Variants in ATXN7 observed in about 807,000 individuals in gnomAD.
ATXN7 encodes ataxin-7.
In ATXN7, 12 loss-of-function variants were observed where a neutral mutation model predicts 70.5. The observed-to-expected ratio is 0.17, with a 90% confidence interval of 0.11 to 0.28. The LOEUF is 0.28. ATXN7 is among the 10% of genes least tolerant of loss of function. The pLI is 1.00. For synonymous variants in ATXN7, 498 were observed against 448.7 expected (o/e 1.11, Z -1.39); for missense variants, 1,256 against 1,131.7 (o/e 1.11, Z -1.58).
intron 1 of ATXN7, among the ~76,000 whole-genome samples, chr3:63,881,619 G>A (rs1292370212): frequency 1.3e-5 from 2 of 151,838 alleles, no homozygotes; most frequent in African/African-American, 4.8e-5. Flanking sequence ...CTCCTGAGAA[G>A]CTGGGATTAT....
intron 5 of ATXN7, chr3:63,968,228 G>T: frequency 2.3e-6 from 1 of 430,020 alleles, no homozygotes; most frequent in East Asian, 3.7e-5. Context: ...CGCAGCCACA[G>T]GGATTAGCTG....
chr3:63,904,590 CAAT>C (rs1228939280), intron 2 of ATXN7: 1 of 152,192 alleles, frequency 6.6e-6, no homozygotes, highest in African/African-American at 2.4e-5. Flanking sequence ...CTGCACCTGG[CAAT>C]AATATTCTTT....
At chr3:63,868,776 A>T (rs1426030783) in intron 1 of ATXN7, among the ~76,000 whole-genome samples, 2 of 152,148 alleles carry the variant, frequency 1.3e-5, no homozygotes, top group African/African-American at 4.8e-5. Flanking sequence ...AAACTAAAAT[A>T]CTGCACATGT....
At chr3:63,928,969 C>T (rs769976596) in intron 4 of ATXN7, among the ~76,000 whole-genome samples, 3 of 152,174 alleles carry the variant, frequency 2.0e-5, no homozygotes, top group African/African-American at 2.4e-5. Flanking sequence ...AAAACCTTTG[C>T]GAGGCTTGAG....
chr3:63,869,633 C>T (rs1313928806), intron 1 of ATXN7, among the ~76,000 whole-genome samples: 2 of 152,152 alleles, frequency 1.3e-5, no homozygotes, highest in African/African-American at 2.4e-5. Flanking sequence ...CCATGCTGGC[C>T]AGGCTGATCC....
chr3:63,967,589 T>A (rs1052526232), intron 5 of ATXN7, among the ~76,000 whole-genome samples: 3 of 152,148 alleles, frequency 2.0e-5, no homozygotes, highest in Admixed American at 1.3e-4. Flanking sequence ...AGAAAAAAAA[T>A]TCACAAAATA....
At chr3:63,991,006 T>A (rs970769955) in intron 11 of ATXN7, 147 bp downstream of exon 11, 1 of 1,183,866 alleles carries the variant, frequency 8.4e-7, no homozygotes, top group Non-Finnish European at 1.2e-6. Flanking sequence ...TGTCATTCAT[T>A]CATTCATTTA....
At position 63,996,273 on chromosome 3, in the gene ATXN7, C is replaced by A. The variant is rs187043098; in HGVS notation, c.2451C>A (p.Asn817Lys). The change falls in exon 12 of 13, where the codon AAC becomes AAA. Residue 817 changes from asparagine (N) to lysine (K), a missense_variant. Physicochemically the swap from Asn to Lys is moderately conservative, Grantham distance 94. Transcript: ENST00000674280. ...ACCAGTCCAATGAACTGCCTGTCAA[C>A]TCCCACGGCAGTTTTTCCCACTCAC... ...FIHQSNELPV[N>K]SHGSFSHSHT... 121 of 1,614,182 alleles carry A rather than the reference C, an allele frequency of 7.5e-5. No individual in the cohort carries two copies. The Admixed American group carries it at 1.4e-3, about 18-fold the overall frequency.
intron 4 of ATXN7, among the ~76,000 whole-genome samples, chr3:63,944,906 C>T (rs1479618628): frequency 6.6e-6 from 1 of 152,170 alleles, no homozygotes; most frequent in Non-Finnish European, 1.5e-5. Context: ...ATCCTCCTGC[C>T]TCAGCTTCCC....
chr3:63,966,788 A>G (rs2075231191), intron 5 of ATXN7, among the ~76,000 whole-genome samples: 1 of 152,194 alleles, frequency 6.6e-6, no homozygotes, highest in African/African-American at 2.4e-5. Flanking sequence ...GTAATTCATG[A>G]CTTTTGCCAA....
intron 5 of ATXN7, among the ~76,000 whole-genome samples, chr3:63,952,974 G>A (rs1364517991): frequency 6.7e-6 from 1 of 149,442 alleles, no homozygotes; most frequent in Non-Finnish European, 1.5e-5. Flanking sequence ...TGCCTTTAAA[G>A]TGTTTAAGAT....
At chr3:63,959,399 T>A (rs979869386) in intron 5 of ATXN7, among the ~76,000 whole-genome samples, 1 of 152,202 alleles carries the variant, frequency 6.6e-6, no homozygotes, top group Non-Finnish European at 1.5e-5. Context: ...AAAACATGAA[T>A]GATGTCAAGG....
chr3:63,947,152 T>A (rs548474156), intron 4 of ATXN7, among the ~76,000 whole-genome samples: 1 of 152,208 alleles, frequency 6.6e-6, no homozygotes, highest in East Asian at 1.9e-4. Context: ...TTTTATCTCA[T>A]AGACTGTGGG....
chr3:63,966,747 G>A (rs749267627), intron 5 of ATXN7, among the ~76,000 whole-genome samples: 17 of 152,146 alleles, frequency 1.1e-4, no homozygotes, highest in Non-Finnish European at 2.4e-4. Context: ...ACTCTTCCCC[G>A]CACCTTTCAG....
rs9941992 is a variant in ATXN7, at chr3:63,948,125, G to T, written c.395-4254G>T. On this transcript the variant is annotated intron_variant, in intron 4 of 12. Coordinates refer to ENST00000674280, the MANE Select transcript of ATXN7 (RefSeq NM_001377405.1). ...TAGACTACTTAGGGGACTTCTTCCA[G>T]AGTTCATTGAAAGGGTGCTGGTGGC... Among the ~76,000 whole-genome samples, 621 of 152,276 alleles carry T rather than the reference G, an allele frequency of 4.1e-3. 3 individuals are homozygous for T. Among genetic ancestry groups the T allele is most frequent in the African/African-American group, 0.015 (603 of 41,558 alleles).
At chr3:63,899,435 A>G (rs1703547159) in intron 2 of ATXN7, among the ~76,000 whole-genome samples, 1 of 152,016 alleles carries the variant, frequency 6.6e-6, no homozygotes, top group Non-Finnish European at 1.5e-5. Flanking sequence ...GTGAAGTTTC[A>G]CATAATATGA....
At chr3:63,973,708 G>A (rs1162956309) in intron 5 of ATXN7, among the ~76,000 whole-genome samples, 4 of 152,014 alleles carry the variant, frequency 2.6e-5, no homozygotes, top group African/African-American at 7.2e-5. Context: ...ATTGGAGGGT[G>A]AGAAGAGTGG....
chr3:63,944,048 T>C (rs534078663), intron 4 of ATXN7, among the ~76,000 whole-genome samples: 16 of 152,152 alleles, frequency 1.1e-4, no homozygotes, highest in Non-Finnish European at 2.2e-4. Context: ...TACCTCTCCC[T>C]TGCATGGCCT....
rs767157386 is a variant in ATXN7, at chr3:63,996,327, G to A, written c.2505G>A (p.Lys835=). 1.9e-6 allele frequency: 3 copies of A among 1,614,020 alleles called. No individual in the cohort carries two copies. Among genetic ancestry groups the A allele is most frequent in the Non-Finnish European group, 2.5e-6 (3 of 1,180,034 alleles). Residue 835 remains lysine (K), a synonymous_variant, in exon 12 of 13, where the codon AAG becomes AAA. Coordinates refer to ENST00000674280, the MANE Select transcript of ATXN7 (RefSeq NM_001377405.1). The part of the protein sequence containing the change: ...SHTPLDKLIG[K]KRKCSPSSSS... ...CTCCTCTAGACAAACTCATAGGAAA[G>A]AAAAGAAAGTGCTCACCCAGCTCGA...
Sources: gnomAD v4.1 joint callset for allele counts (sites outside exome capture counted in the v4.1 genomes callset) on GRCh38, gnomAD v4.1.1 for gene constraint, MANE v1.5 for transcripts, NCBI Gene and HGNC (gene_info 2026-07-23, HGNC 2026-07-21) for gene names.